Variants in AMOTL1 observed in about 807,000 individuals in gnomAD.
AMOTL1 encodes the protein angiomotin-like protein 1.
Under a neutral mutation model 102.9 loss-of-function variants are expected in AMOTL1, and 45 were observed. The observed-to-expected ratio is 0.44, with a 90% CI of 0.34 to 0.56. The LOEUF (loss-of-function observed/expected upper bound fraction) is 0.56. Ranked by LOEUF, AMOTL1 falls within the 20% of genes least tolerant of loss-of-function variation. The pLI, the probability that AMOTL1 is intolerant of heterozygous loss-of-function variation, is 0.01. For synonymous variants in AMOTL1, 481 were observed against 484.7 expected (o/e 0.99, Z 0.10); for missense variants, 1,114 against 1,225.6 (o/e 0.91, Z 1.36).
rs150495375 is a variant in AMOTL1, at chr11:94,822,169, C to T, written c.1413+348C>T. Among the ~76,000 whole-genome samples the T allele has an allele frequency of 4.1e-3, 631 of 152,246 alleles. 12 individuals carry two copies. Among genetic ancestry groups the T allele is most frequent in the South Asian group, 0.035 (167 of 4,810 alleles). On this transcript the variant is annotated intron_variant, in intron 4 of 12. Coordinates refer to ENST00000433060, the MANE Select transcript of AMOTL1 (RefSeq NM_130847.3). Reference sequence around the variant, plus strand: ...GGAGAGTAAATAACACGGAGGAGGCCATGCGCGGTGGTCCATGCCTATAAT... The same window carrying T: ...GGAGAGTAAATAACACGGAGGAGGCTATGCGCGGTGGTCCATGCCTATAAT...
In AMOTL1 at chr11:94,846,530, G is replaced by C. The variant is rs188188204; in HGVS notation, c.1649-3584G>C. Reference sequence around the variant, plus strand: ...GAAGAGCTGGGTGTGAACCCAGGCAGTACTCTGATGCCTCTGAGTAGTAGA... The same window carrying C: ...GAAGAGCTGGGTGTGAACCCAGGCACTACTCTGATGCCTCTGAGTAGTAGA... On this transcript the variant is annotated intron_variant, in intron 6 of 12. Coordinates refer to ENST00000433060, the MANE Select transcript of AMOTL1 (RefSeq NM_130847.3). Among the ~76,000 whole-genome samples the C allele has an allele frequency of 2.0e-5, 3 of 152,344 alleles. No homozygotes were observed. In the East Asian group the frequency reaches 5.8e-4, roughly 29 times the overall value.
chr11:94,774,779 G>A (rs1358178798), intron 1 of AMOTL1, among the ~76,000 whole-genome samples: 5 of 152,194 alleles, frequency 3.3e-5, no homozygotes, highest in Non-Finnish European at 7.3e-5. Context: ...TTAAAACATA[G>A]CCCCTTTAAA....
intron 2 of AMOTL1, among the ~76,000 whole-genome samples, chr11:94,734,146 T>C (rs981881902): frequency 6.6e-6 from 1 of 152,240 alleles, no homozygotes; most frequent in South Asian, 2.1e-4. Flanking sequence ...ATTGGCTTCC[T>C]GTCAGAGTTA....
At chr11:94,820,140 G>A (rs1032079583) in intron 3 of AMOTL1, among the ~76,000 whole-genome samples, 1 of 152,060 alleles carries the variant, frequency 6.6e-6, no homozygotes, top group Non-Finnish European at 1.5e-5. Flanking sequence ...AATTTGTGTA[G>A]AGCCCAAAAT....
intron 4 of AMOTL1, among the ~76,000 whole-genome samples, chr11:94,825,828 A>G (rs1364635911): frequency 6.6e-6 from 1 of 152,248 alleles, no homozygotes; most frequent in Non-Finnish European, 1.5e-5. Context: ...AATTCTTAAA[A>G]TGAGTCTACT....
At chr11:94,829,925 CTT>C (rs1952039566) in intron 4 of AMOTL1, 123 bp from the exon 5 acceptor site, 2 of 941,774 alleles carry the variant, frequency 2.1e-6, no homozygotes, top group Non-Finnish European at 3.1e-6. Flanking sequence ...ACACATGAAA[CTT>C]GAGATGCAGA....
intron 2 of AMOTL1, among the ~76,000 whole-genome samples, chr11:94,736,451 C>T (rs2566899): frequency 0.68 from 102,864 of 151,916 alleles, 37,554 homozygotes; most frequent in Non-Finnish European, 0.82. Context: ...GGAGTTTCAC[C>T]ATGTTGGCCA....
chr11:94,791,969 G>T (rs928719495), intron 1 of AMOTL1, among the ~76,000 whole-genome samples: 1 of 152,158 alleles, frequency 6.6e-6, no homozygotes, highest in Non-Finnish European at 1.5e-5. Context: ...TTAAATTTTT[G>T]TTGTGTGGCC....
At chr11:94,822,171 T>C (rs762369575) in intron 4 of AMOTL1, among the ~76,000 whole-genome samples, 1 of 152,098 alleles carries the variant, frequency 6.6e-6, no homozygotes, top group Non-Finnish European at 1.5e-5. Flanking sequence ...GAGGAGGCCA[T>C]GCGCGGTGGT....
intron 6 of AMOTL1, among the ~76,000 whole-genome samples, chr11:94,849,800 A>T (rs1952492630): frequency 6.6e-6 from 1 of 152,202 alleles, no homozygotes; most frequent in African/African-American, 2.4e-5. Flanking sequence ...ATAAAATGTA[A>T]TAGTAGATAC....
At chr11:94,839,226 C>T (rs1014562753) in intron 6 of AMOTL1, among the ~76,000 whole-genome samples, 7 of 152,218 alleles carry the variant, frequency 4.6e-5, no homozygotes, top group African/African-American at 1.7e-4. Flanking sequence ...TCAGGTCCTG[C>T]CTGGTTCAGG....
At chr11:94,713,428 T>G (rs1950049199) in intron 1 of AMOTL1, among the ~76,000 whole-genome samples, 1 of 152,000 alleles carries the variant, frequency 6.6e-6, no homozygotes, top group Non-Finnish European at 1.5e-5. Context: ...TGCTGGGATT[T>G]TGATAGGAAT....
chr11:94,846,217 C>T (rs987263909), intron 6 of AMOTL1, among the ~76,000 whole-genome samples: 2 of 152,224 alleles, frequency 1.3e-5, no homozygotes, highest in African/African-American at 4.8e-5. Context: ...TCATAGCACC[C>T]TGTGCATGCA....
At chr11:94,825,097 T>A (rs1951938370) in intron 4 of AMOTL1, among the ~76,000 whole-genome samples, 1 of 152,184 alleles carries the variant, frequency 6.6e-6, no homozygotes, top group Non-Finnish European at 1.5e-5. Context: ...TTATTTTTTT[T>A]GCATCTTTTT....
chr11:94,790,776 C>A (rs1210516048), intron 1 of AMOTL1, among the ~76,000 whole-genome samples: 3 of 152,162 alleles, frequency 2.0e-5, no homozygotes, highest in Admixed American at 2.0e-4. Flanking sequence ...AGTTTCACGT[C>A]CTCCAGGGTT....
At chr11:94,721,590 T>TA (rs1322209158) in intron 1 of AMOTL1, among the ~76,000 whole-genome samples, 1 of 152,074 alleles carries the variant, frequency 6.6e-6, no homozygotes, top group Non-Finnish European at 1.5e-5. Context: ...GTCTTTCCAC[T>TA]ACATGAGGAC....
At position 94,723,255 on chromosome 11, in the gene AMOTL1, A is replaced by G. The variant is rs73525867; in HGVS notation, c.-50-5666A>G. On this transcript the variant is annotated intron_variant, in intron 1 of 4. Transcript: ENST00000299004. Reference sequence around the variant, plus strand: ...TCTAATGGAAGAGTATTATCCTGCAATGGAAAAATCATTGTCCTAATGGAA... The same window carrying G: ...TCTAATGGAAGAGTATTATCCTGCAGTGGAAAAATCATTGTCCTAATGGAA... 2.7e-3 allele frequency among the ~76,000 whole-genome samples: 409 copies of G among 151,962 alleles called. 1 individual carries two copies. Among genetic ancestry groups the G allele is most frequent in the African/African-American group, 9.0e-3 (371 of 41,284 alleles).
rs1024703726 is a variant in AMOTL1 at position 94,814,810 on chromosome 11, T to G, written c.1122-6720T>G. On this transcript the variant is annotated intron_variant, in intron 3 of 12. Transcript: ENST00000433060. ...CTTACTAGACATCCTGTATCTCCGTTTCATGGGACTATAATGCCACTTATT... is the reference window on the plus strand; with the variant it reads ...CTTACTAGACATCCTGTATCTCCGTGTCATGGGACTATAATGCCACTTATT... 2.0e-4 allele frequency among the ~76,000 whole-genome samples: 30 copies of G among 152,196 alleles called. 1 individual carries two copies. The highest frequency in any genetic ancestry group is 3.4e-4 in the Non-Finnish European group (23 of 68,022).
At chr11:94,789,850 G>T (rs1951253253) in intron 1 of AMOTL1, among the ~76,000 whole-genome samples, 1 of 152,204 alleles carries the variant, frequency 6.6e-6, no homozygotes, top group African/African-American at 2.4e-5. Context: ...CTGTTATAAA[G>T]TTATAGGAGG....
Sources: gnomAD v4.1 joint callset for allele counts (sites outside exome capture counted in the v4.1 genomes callset) on GRCh38, gnomAD v4.1.1 for gene constraint, MANE v1.5 for transcripts, NCBI Gene and HGNC (gene_info 2026-07-23, HGNC 2026-07-21) for gene names.